Variants in SLC35F4 observed in about 807,000 individuals in gnomAD.
SLC35F4 encodes solute carrier family 35 member F4.
SLC35F4 carries 24 observed loss-of-function variants against 44.2 expected under a neutral mutation model. The ratio of observed to expected loss-of-function variants is 0.54; its 90% CI spans 0.39 to 0.76. The LOEUF is 0.76. Ranked by LOEUF, SLC35F4 falls within the 30% of genes least tolerant of loss-of-function variation. The pLI, the probability that SLC35F4 is intolerant of heterozygous loss-of-function variation, is 0.00. For missense variants in SLC35F4, 562 were observed against 586.1 expected (o/e 0.96, Z 0.42); for synonymous variants, 238 against 223.6 (o/e 1.06, Z -0.57).
rs888007288 is a variant in SLC35F4, at chr14:57,658,605, A to G, written c.104-64481T>C. Among the ~76,000 whole-genome samples, 5 of 152,314 alleles carry G rather than the reference A, an allele frequency of 3.3e-5. No individual in the cohort carries two copies. The South Asian group carries it at 8.3e-4, about 25-fold the overall frequency. The stretch of plus-strand genomic sequence containing the variant: ...TGACCACTCTTTGTTTTTAAATATA[A>G]CAGCACATCATGGATTTCCAATTCA... On this transcript the variant is annotated intron_variant, in intron 1 of 7. Coordinates refer to ENST00000556826, the MANE Select transcript of SLC35F4 (RefSeq NM_001306087.2).
chr14:57,713,819 A>G (rs534526138), intron 1 of SLC35F4, among the ~76,000 whole-genome samples: 1 of 152,322 alleles, frequency 6.6e-6, no homozygotes, highest in Non-Finnish European at 1.5e-5. Flanking sequence ...TTTTGCTGTA[A>G]GAATATTGGG....
intron 1 of SLC35F4, among the ~76,000 whole-genome samples, chr14:57,956,177 C>T (rs1399816008): frequency 6.6e-6 from 1 of 152,118 alleles, no homozygotes; most frequent in Non-Finnish European, 1.5e-5. Context: ...CCTAACAAAA[C>T]AAGAAATGGG....
At chr14:57,974,041 T>C (rs1002773785), downstream of SLC35F4, among the ~76,000 whole-genome samples, 23 of 152,158 alleles carry the variant, frequency 1.5e-4, no homozygotes, top group Non-Finnish European at 2.9e-5. Flanking sequence ...TTAAATTTTA[T>C]GATTTTCTGA....
At chr14:57,669,173 T>A (rs1475597455) in intron 1 of SLC35F4, among the ~76,000 whole-genome samples, 1 of 152,084 alleles carries the variant, frequency 6.6e-6, no homozygotes, top group African/African-American at 2.4e-5. Flanking sequence ...TTTTTGCACA[T>A]TGATTTTGTA....
intron 1 of SLC35F4, among the ~76,000 whole-genome samples, chr14:57,910,354 G>T (rs1021412449): frequency 2.6e-5 from 4 of 151,956 alleles, no homozygotes; most frequent in African/African-American, 7.2e-5. Flanking sequence ...CTATGGTGTT[G>T]TACCTAAAAT....
chr14:57,688,042 T>C (rs1163767025), intron 1 of SLC35F4, among the ~76,000 whole-genome samples: 1 of 152,086 alleles, frequency 6.6e-6, no homozygotes, highest in Non-Finnish European at 1.5e-5. Context: ...CTGAGGAATG[T>C]TTAGAGAATT....
At chr14:57,766,881 T>C (rs2077247979) in intron 1 of SLC35F4, among the ~76,000 whole-genome samples, 1 of 152,186 alleles carries the variant, frequency 6.6e-6, no homozygotes, top group African/African-American at 2.4e-5. Flanking sequence ...CAGAGAGTGA[T>C]AGATTATATA....
chr14:57,670,463 G>A (rs1321726678), intron 1 of SLC35F4, among the ~76,000 whole-genome samples: 1 of 151,600 alleles, frequency 6.6e-6, no homozygotes, highest in Non-Finnish European at 1.5e-5. Flanking sequence ...TCTCTTGTGG[G>A]CATTTAGTGC....
At chr14:57,856,527 A>C (rs74055819) in intron 1 of SLC35F4, among the ~76,000 whole-genome samples, 6,286 of 152,150 alleles carry the variant, frequency 0.041, 437 homozygotes, top group African/African-American at 0.12. Context: ...GTTTATATGT[A>C]AATTTATATT....
At chr14:57,963,467 C>T (rs1344632199) in intron 1 of SLC35F4, among the ~76,000 whole-genome samples, 6 of 152,114 alleles carry the variant, frequency 3.9e-5, no homozygotes, top group South Asian at 2.1e-4. Context: ...ACTAAAAGAA[C>T]GAAGGGACAC....
chr14:57,669,420 G>A (rs571827167), intron 1 of SLC35F4, among the ~76,000 whole-genome samples: 11 of 152,194 alleles, frequency 7.2e-5, no homozygotes, highest in African/African-American at 2.4e-4. Flanking sequence ...GTTTTGAAAA[G>A]GAATGCTTCC....
chr14:57,963,068 G>C (rs1020822335), intron 1 of SLC35F4, among the ~76,000 whole-genome samples: 5 of 152,204 alleles, frequency 3.3e-5, no homozygotes, highest in African/African-American at 1.2e-4. Context: ...GAACAGGAGG[G>C]AGTTGCTCAA....
At chr14:57,802,286 A>G (rs1385742040) in intron 1 of SLC35F4, among the ~76,000 whole-genome samples, 1 of 152,234 alleles carries the variant, frequency 6.6e-6, no homozygotes, top group Non-Finnish European at 1.5e-5. Flanking sequence ...AACTAATGGA[A>G]CAAAAAGATA....
At chr14:57,742,884 C>G (rs61445193) in intron 1 of SLC35F4, among the ~76,000 whole-genome samples, 9,853 of 152,218 alleles carry the variant, frequency 0.065, 765 homozygotes, top group African/African-American at 0.18. Flanking sequence ...TCTCAGACCA[C>G]AGTGCAATCA....
chr14:57,891,551 T>C (rs1463542002), intron 1 of SLC35F4, among the ~76,000 whole-genome samples: 1 of 152,100 alleles, frequency 6.6e-6, no homozygotes, highest in Admixed American at 6.6e-5. Context: ...ATAATATAAG[T>C]ACAGTAAATT....
At chr14:57,712,924 G>A (rs908055379) in intron 1 of SLC35F4, among the ~76,000 whole-genome samples, 3 of 152,062 alleles carry the variant, frequency 2.0e-5, no homozygotes, top group African/African-American at 7.2e-5. Flanking sequence ...TTCAGTACCC[G>A]ATTGTTCTTG....
chr14:57,699,999 G>A (rs990113851), intron 1 of SLC35F4, among the ~76,000 whole-genome samples: 4 of 152,166 alleles, frequency 2.6e-5, no homozygotes, highest in African/African-American at 9.7e-5. Flanking sequence ...ACCAGTGGAT[G>A]TCTGAAACCA....
intron 1 of SLC35F4, among the ~76,000 whole-genome samples, chr14:57,785,938 G>A (rs182038377): frequency 3.0e-4 from 46 of 152,238 alleles, no homozygotes; most frequent in African/African-American, 9.6e-4. Context: ...GGGGGAGGGC[G>A]CAAATCCAGT....
chr14:57,811,130 C>T (rs566624176), intron 1 of SLC35F4, among the ~76,000 whole-genome samples: 22 of 152,302 alleles, frequency 1.4e-4, no homozygotes, highest in African/African-American at 5.3e-4. Flanking sequence ...GCGAAAGCAG[C>T]AACTTCTCTG....
Sources: allele counts gnomAD v4.1 joint callset (sites outside exome capture counted in the v4.1 genomes callset), GRCh38; gene constraint gnomAD v4.1.1; transcripts MANE v1.5; gene names NCBI Gene and HGNC (gene_info 2026-07-23, HGNC 2026-07-21).